ETFBKMT: variants seen among roughly 807,000 people sequenced by gnomAD.
ETFBKMT encodes the protein electron transfer flavoprotein subunit beta lysine methyltransferase, also known as electron transfer flavoprotein beta subunit lysine methyltransferase.
Under a neutral mutation model 18.3 loss-of-function variants are expected in ETFBKMT, and 13 were observed. The observed-to-expected ratio is 0.71, with a 90% CI of 0.46 to 1.13. The LOEUF (loss-of-function observed/expected upper bound fraction) is 1.13, where lower values mean the gene tolerates loss of function less well. Among genes scored for constraint, ETFBKMT ranks in the 50% most tolerant of loss-of-function variants. ETFBKMT has a pLI of 0.00. For missense variants in ETFBKMT, 293 were observed against 306.2 expected (o/e 0.96, Z 0.32); for synonymous variants, 84 against 107.9 (o/e 0.78, Z 1.37).
chr12:31,668,861 C>G lies in ETFBKMT; in HGVS notation c.*871C>G, dbSNP rs1951231659. The G allele has an allele frequency of 6.6e-6, 1 of 152,176 alleles. No individual in the cohort carries two copies. The highest frequency in any genetic ancestry group is 1.5e-5 in the Non-Finnish European group (1 of 68,044). The allele number at this position is 152,176 out of a possible 1,614,324, so 9.4% of individuals were successfully genotyped here. ...ATAGCTTCTATCTCTGCTTACGTCA[C>G]CCATCATTCTTGCGTGTTGTATGCT... On this transcript the variant is annotated 3_prime_UTR_variant, in exon 4 of 4. Transcript: ENST00000357721.
At chr12:31,663,548 A>G (rs972172286) in intron 2 of ETFBKMT, among the ~76,000 whole-genome samples, 1 of 152,202 alleles carries the variant, frequency 6.6e-6, no homozygotes, top group African/African-American at 2.4e-5. Flanking sequence ...TAGACAGGGC[A>G]TGTATGCCTC....
chr12:31,666,608 C>G (rs923177530), intron 3 of ETFBKMT, among the ~76,000 whole-genome samples: 8 of 152,158 alleles, frequency 5.3e-5, no homozygotes, highest in South Asian at 2.1e-4. Context: ...TCTGGTCTAC[C>G]CTTTCACTGA....
chr12:31,664,323 G>A (rs945577257), intron 2 of ETFBKMT, among the ~76,000 whole-genome samples: 136 of 152,188 alleles, frequency 8.9e-4, no homozygotes, highest in African/African-American at 3.2e-3. Context: ...CAAGCAGCAG[G>A]AAAATCACTC....
At chr12:31,648,364 T>G (rs1043602162) in intron 1 of ETFBKMT, among the ~76,000 whole-genome samples, 1 of 147,536 alleles carries the variant, frequency 6.8e-6, no homozygotes. Context: ...TAAATAGTTT[T>G]TTTTTTTTTT....
intron 1 of ETFBKMT, among the ~76,000 whole-genome samples, chr12:31,649,781 T>C (rs1168859849): frequency 6.7e-6 from 1 of 148,338 alleles, no homozygotes. Flanking sequence ...TTTTTTTTTT[T>C]GAGACAGAAT....
At chr12:31,655,011 G>A (rs1349258945), upstream of ETFBKMT, among the ~76,000 whole-genome samples, 2 of 151,130 alleles carry the variant, frequency 1.3e-5, no homozygotes, top group Admixed American at 6.6e-5. Context: ...AGCCAAGATC[G>A]CGCCACTGCA....
upstream of ETFBKMT, among the ~76,000 whole-genome samples, chr12:31,657,035 A>G (rs1385068338): frequency 6.6e-6 from 1 of 152,242 alleles, no homozygotes; most frequent in Admixed American, 6.5e-5. Flanking sequence ...TCACTATTTT[A>G]CAGATGAAGA....
In ETFBKMT at chr12:31,672,144, A is replaced by G; in HGVS notation, c.*4154A>G. 8.5e-6 allele frequency: 5 copies of G among 589,520 alleles called. No homozygotes were observed. The highest frequency in any genetic ancestry group is 2.2e-5 in the South Asian group (1 of 44,884). The allele number at this position is 589,520 out of a possible 1,614,324, so 36.5% of individuals were successfully genotyped here. ...TTTAAGAGTAAAGCACAAACCATGT[A>G]TATACCAAGACTTAGCTAATTCTCT... On this transcript the variant is annotated 3_prime_UTR_variant, in exon 4 of 4. Coordinates refer to ENST00000357721, the MANE Select transcript of ETFBKMT (RefSeq NM_001135863.2).
upstream of ETFBKMT, among the ~76,000 whole-genome samples, chr12:31,658,779 G>A (rs901735403): frequency 6.6e-6 from 1 of 152,186 alleles, no homozygotes; most frequent in African/African-American, 2.4e-5. Context: ...GGGTCCAGTT[G>A]AAAGGTGGAT....
At chr12:31,650,380 C>T (rs1446814077) in intron 1 of ETFBKMT, among the ~76,000 whole-genome samples, 1 of 152,076 alleles carries the variant, frequency 6.6e-6, no homozygotes, top group Non-Finnish European at 1.5e-5. Flanking sequence ...AATAATCCAC[C>T]CGTTGTTTAG....
chr12:31,666,086 G>C lies in ETFBKMT; in HGVS notation c.315-1G>C, dbSNP rs1951191249. On this transcript the variant is annotated splice_acceptor_variant, in intron 2 of 3. Coordinates refer to ENST00000357721, the MANE Select transcript of ETFBKMT (RefSeq NM_001135863.2). LOFTEE classifies it high-confidence loss of function. ...AGACATGTTTCTCCTTTTTAATTTA[G>C]GTATCTTTTGGATAATCCTGATGTT... 6.2e-7 allele frequency: 1 copy of C among 1,607,622 alleles called. No homozygotes were observed. Among genetic ancestry groups the C allele is most frequent in the Admixed American group, 1.7e-5 (1 of 58,254 alleles).
intron 1 of ETFBKMT, among the ~76,000 whole-genome samples, chr12:31,647,722 G>A (rs901117623): frequency 3.9e-5 from 6 of 152,048 alleles, no homozygotes; most frequent in South Asian, 2.1e-4. Context: ...CCAGCTACTC[G>A]GGAAGCTGGG....
chr12:31,658,001 C>T (rs1420515494), upstream of ETFBKMT, among the ~76,000 whole-genome samples: 2 of 152,004 alleles, frequency 1.3e-5, no homozygotes, highest in Non-Finnish European at 2.9e-5. Flanking sequence ...ATGAGTTATC[C>T]AAACATTATT....
intron 1 of ETFBKMT, among the ~76,000 whole-genome samples, chr12:31,651,478 T>TGA: frequency 1.3e-5 from 2 of 151,970 alleles, no homozygotes; most frequent in African/African-American, 4.8e-5. Flanking sequence ...TACAGGTGCG[T>TGA]GCCACCACGC....
upstream of ETFBKMT, among the ~76,000 whole-genome samples, chr12:31,658,894 A>T (rs116963538): frequency 4.4e-3 from 662 of 151,028 alleles, 2 homozygotes; most frequent in Admixed American, 6.5e-3. Context: ...ATCGCAGTTG[A>T]ATGTAGGCAG....
At chr12:31,648,400 T>C (rs554466588) in intron 1 of ETFBKMT, among the ~76,000 whole-genome samples, 70 of 149,064 alleles carry the variant, frequency 4.7e-4, no homozygotes, top group Admixed American at 3.6e-3. Context: ...CTCGCTCTTT[T>C]GCCCAGGCTG....
intron 1 of ETFBKMT, among the ~76,000 whole-genome samples, chr12:31,650,751 C>T (rs1951010477): frequency 6.6e-6 from 1 of 151,804 alleles, no homozygotes; most frequent in Non-Finnish European, 1.5e-5. Flanking sequence ...CGTGCCACCC[C>T]CAAATATGCC....
At position 31,666,103 on chromosome 12, in the gene ETFBKMT, C is replaced by A; in HGVS notation, c.331C>A (p.Pro111Thr). The change falls in exon 3 of 4, where the codon CCT becomes ACT. Residue 111 changes from proline to threonine, a missense_variant. Pro to Thr is a conservative substitution (Grantham distance 38). Transcript: ENST00000357721. ...QALSRYLLDNPDVVRGKSVLD... is the reference protein window; with the variant it reads ...QALSRYLLDNTDVVRGKSVLD... ...TTAATTTAGGTATCTTTTGGATAAT[C>A]CTGATGTTGTCAGAGGAAAATCTGT... The A allele has an allele frequency of 1.9e-6, 3 of 1,612,706 alleles. No individual in the cohort carries two copies. Among genetic ancestry groups the A allele is most frequent in the South Asian group, 2.2e-5 (2 of 91,024 alleles).
At chr12:31,647,657 C>T (rs560579279) in intron 1 of ETFBKMT, among the ~76,000 whole-genome samples, 102 of 152,176 alleles carry the variant, frequency 6.7e-4, no homozygotes, top group African/African-American at 1.9e-3. Flanking sequence ...GGCAAAACCC[C>T]GTCTCTACTA....
Sources: gnomAD v4.1 joint callset for allele counts (sites outside exome capture counted in the v4.1 genomes callset) on GRCh38, gnomAD v4.1.1 for gene constraint, MANE v1.5 for transcripts, NCBI Gene and HGNC (gene_info 2026-07-23, HGNC 2026-07-21) for gene names.